PCDHGA8: variants seen among roughly 807,000 people sequenced by gnomAD.
PCDHGA8 encodes protocadherin gamma-A8.
In PCDHGA8, 45 loss-of-function variants were observed where a neutral mutation model predicts 59.2. That is an observed-to-expected ratio of 0.76 (90% CI 0.60 to 0.98). PCDHGA8 has a LOEUF of 0.98. PCDHGA8 is among the 50% of genes least tolerant of loss of function. The probability of loss-of-function intolerance (pLI) is 0.00; values close to 1 mark genes in which losing one functional copy is unlikely to be tolerated. For synonymous variants in PCDHGA8, 531 were observed against 519.0 expected (o/e 1.02, Z -0.32); for missense variants, 1,257 against 1,196.2 (o/e 1.05, Z -0.75).
intron 1 of PCDHGA8, chr5:141,478,628 T>G (rs1245431927): frequency 6.4e-7 from 1 of 1,553,704 alleles, no homozygotes; most frequent in African/African-American, 1.4e-5. Context: ...GAGCTGTTTT[T>G]TTAGTGATGA....
chr5:141,488,552 A>C (rs993681273), intron 1 of PCDHGA8, among the ~76,000 whole-genome samples: 1 of 152,194 alleles, frequency 6.6e-6, no homozygotes, highest in African/African-American at 2.4e-5. Context: ...GTCAGCTGAC[A>C]TTGAGATTTC....
Position 141,490,849 on chromosome 5 carries a change from C to A in PCDHGA8, c.2425-3958C>A, listed in dbSNP as rs200640560. The A allele has an allele frequency of 6.2e-7, 1 of 1,613,748 alleles. No individual in the cohort carries two copies. Among genetic ancestry groups the A allele is most frequent in the Non-Finnish European group, 8.5e-7 (1 of 1,179,862 alleles). On this transcript the variant is annotated intron_variant, in intron 1 of 3. Coordinates refer to ENST00000398604, the MANE Select transcript of PCDHGA8 (RefSeq NM_032088.2). This position sits in a 1 kb window ranked among gnomAD's most constrained non-coding sequence, Gnocchi z 5.4. ...GATGCTGCAGATTGTGGTGGGGGTT[C>A]GAGACTCCGGCTCTCCCCCATTGCA...
Position 141,435,556 on chromosome 5 carries a change from G to C in PCDHGA8, c.2424+40319G>C, listed in dbSNP as rs568743865. ...AGAATTAACAAAATGTGTTTTGAGT[G>C]CTTTTTTTAGTACTGGGGCAAATTT... is the stretch of plus-strand genomic sequence containing the variant. On this transcript the variant is annotated intron_variant, in intron 1 of 3. Transcript: ENST00000398604. Among the ~76,000 whole-genome samples, 7 of 152,242 alleles carry C rather than the reference G, an allele frequency of 4.6e-5. 1 individual carries two copies. Among genetic ancestry groups the C allele is most frequent in the African/African-American group, 1.4e-4 (6 of 41,544 alleles).
At chr5:141,421,371 T>C in intron 1 of PCDHGA8, 2 of 1,614,028 alleles carry the variant, frequency 1.2e-6, no homozygotes, top group Non-Finnish European at 1.7e-6. Flanking sequence ...TCGTGGGCAA[T>C]ATCTCCAAGG....
Position 141,477,540 on chromosome 5 carries a change from C to T in PCDHGA8, c.2425-17267C>T, listed in dbSNP as rs777796922. On this transcript the variant is annotated intron_variant, in intron 1 of 3. Coordinates refer to ENST00000398604, the MANE Select transcript of PCDHGA8 (RefSeq NM_032088.2). The surrounding 1 kb of genome is among the most constrained non-coding windows in gnomAD (Gnocchi z 4.9). Reference sequence around the variant, plus strand: ...GAAGAAAACAACCTCCCCGGGGCTCCAATACTAAACCTAAGTGTCTGGGAC... The same window carrying T: ...GAAGAAAACAACCTCCCCGGGGCTCTAATACTAAACCTAAGTGTCTGGGAC... The T allele has an allele frequency of 6.8e-6, 11 of 1,614,036 alleles. 1 individual carries two copies. Among genetic ancestry groups the T allele is most frequent in the African/African-American group, 2.7e-5 (2 of 74,920 alleles).
At chr5:141,402,947 G>A in intron 1 of PCDHGA8, 1 of 1,592,724 alleles carries the variant, frequency 6.3e-7, no homozygotes, top group South Asian at 1.1e-5. Flanking sequence ...CCAAAGCGAG[G>A]CAGCAATGGC....
Position 141,393,486 on chromosome 5 carries a change from A to G in PCDHGA8, c.673A>G (p.Thr225Ala). The G allele has an allele frequency of 6.2e-7, 1 of 1,614,082 alleles. No homozygotes were observed. Residue 225 changes from threonine (T) to alanine (A), a missense_variant, in exon 1 of 4, where the codon ACA becomes GCA. Transcript: ENST00000398604. ...SDGGKPPRSS[T>A]VRIHVTVLDT... is the part of the protein sequence containing the mutation. The stretch of plus-strand genomic sequence containing the variant: ...TGGCGGCAAGCCGCCTCGCTCTAGC[A>G]CAGTGCGCATCCACGTGACAGTGTT...
At position 141,393,774 on chromosome 5, in the gene PCDHGA8, G is replaced by A. The variant is rs767667499; in HGVS notation, c.961G>A (p.Ala321Thr). 9 of 1,613,824 alleles carry A rather than the reference G, an allele frequency of 5.6e-6. No homozygotes were observed. Among genetic ancestry groups the A allele is most frequent in the Non-Finnish European group, 7.6e-6 (9 of 1,179,898 alleles). ...TTCATTTTATGAAATGGAAATACAA[G>A]CCGAAGATGTGGGGGCACTTCTGGG... Reference protein sequence around the residue: ...ECSFYEMEIQAEDVGALLGRT... With the variant: ...ECSFYEMEIQTEDVGALLGRT... Residue 321 changes from alanine (A) to threonine (T), a missense_variant, in exon 1 of 4, where the codon GCC becomes ACC. Coordinates refer to ENST00000398604, the MANE Select transcript of PCDHGA8 (RefSeq NM_032088.2).
rs371319055 is a variant in PCDHGA8 at position 141,399,494 on chromosome 5, G to C, written c.2424+4257G>C. 328 of 1,614,032 alleles carry C rather than the reference G, an allele frequency of 2.0e-4. 1 individual carries two copies. The highest frequency in any genetic ancestry group is 1.7e-3 in the South Asian group (152 of 91,086). ...TTCCACCAGGCGTCCTACTTAGTCA[G>C]TGTACCCGAAAACAACCCTCCTGGG... is the stretch of plus-strand genomic sequence containing the variant. On this transcript the variant is annotated intron_variant, in intron 1 of 3. Coordinates refer to ENST00000398604, the MANE Select transcript of PCDHGA8 (RefSeq NM_032088.2).
intron 1 of PCDHGA8, among the ~76,000 whole-genome samples, chr5:141,482,857 A>T (rs2099573663): frequency 6.6e-6 from 1 of 152,140 alleles, no homozygotes; most frequent in Admixed American, 6.5e-5. Flanking sequence ...AGATCACTTG[A>T]GGTCAGGAGT....
In PCDHGA8 at chr5:141,476,132, T is replaced by C. The variant is rs751708569; in HGVS notation, c.2425-18675T>C. 2 of 1,607,820 alleles carry C rather than the reference T, an allele frequency of 1.2e-6. No homozygotes were observed. The highest frequency in any genetic ancestry group is 1.1e-5 in the South Asian group (1 of 90,582). On this transcript the variant is annotated intron_variant, in intron 1 of 3. Coordinates refer to ENST00000398604, the MANE Select transcript of PCDHGA8 (RefSeq NM_032088.2). The surrounding 1 kb of genome is among the most constrained non-coding windows in gnomAD (Gnocchi z 7.6). ...TTTGAGTGAGATGGTCCCAGAGGCC[T>C]GGAGGAGCGGACTGGTAAGCACCGG...
chr5:141,498,625 T>C (rs1327552423), intron 2 of PCDHGA8, among the ~76,000 whole-genome samples: 1 of 152,176 alleles, frequency 6.6e-6, no homozygotes, highest in Non-Finnish European at 1.5e-5. Context: ...TGGGTCACAC[T>C]GCCTAGACAG....
chr5:141,506,177 G>A (rs1024892091), intron 3 of PCDHGA8, among the ~76,000 whole-genome samples: 16 of 152,142 alleles, frequency 1.1e-4, no homozygotes, highest in Admixed American at 4.6e-4. Flanking sequence ...TAAGCTGGGC[G>A]TGGTGGCTCA....
Position 141,491,420 on chromosome 5 carries a change from G to A in PCDHGA8, c.2425-3387G>A, listed in dbSNP as rs2099713954. 1.2e-6 allele frequency: 2 copies of A among 1,614,004 alleles called. No homozygotes were observed. The highest frequency in any genetic ancestry group is 2.2e-5 in the South Asian group (2 of 91,090). On this transcript the variant is annotated intron_variant, in intron 1 of 3. Transcript: ENST00000398604. This position sits in a 1 kb window ranked among gnomAD's most constrained non-coding sequence, Gnocchi z 6.9. ...GGAAACGCAGACGGGGACGGGGGTG[G>A]AGGGCAGTGCTGCAGGCGCCAGGAC...
At chr5:141,500,252 A>G (rs2099798400) in intron 2 of PCDHGA8, among the ~76,000 whole-genome samples, 1 of 151,094 alleles carries the variant, frequency 6.6e-6, no homozygotes, top group East Asian at 1.9e-4. Flanking sequence ...TCTGTCACCC[A>G]GGCTGGACTG....
chr5:141,405,856 C>T (rs1340012897), intron 1 of PCDHGA8, among the ~76,000 whole-genome samples: 1 of 152,096 alleles, frequency 6.6e-6, no homozygotes, highest in Non-Finnish European at 1.5e-5. Flanking sequence ...GTGTGTTTCT[C>T]ATCACTTTTC....
intron 1 of PCDHGA8, chr5:141,414,287 C>G: frequency 6.2e-7 from 1 of 1,613,434 alleles, no homozygotes; most frequent in Non-Finnish European, 8.5e-7. Flanking sequence ...ACAGTCGTAG[C>G]CCTTTTAAAT....
chr5:141,499,551 A>T (rs1178321389), intron 2 of PCDHGA8, among the ~76,000 whole-genome samples: 1 of 152,200 alleles, frequency 6.6e-6, no homozygotes, highest in Non-Finnish European at 1.5e-5. Flanking sequence ...AACCTGTATG[A>T]TACCACTATC....
intron 1 of PCDHGA8, among the ~76,000 whole-genome samples, chr5:141,460,983 GTATATA>G (rs59296681): frequency 0.23 from 32,081 of 137,558 alleles, 4,351 homozygotes; most frequent in African/African-American, 0.39. Context: ...GTGTGTGTGT[GTATATA>G]TATATATGTG....
Sources: gnomAD v4.1 joint callset for allele counts (sites outside exome capture counted in the v4.1 genomes callset) on GRCh38, gnomAD v4.1.1 for gene constraint, Gnocchi (gnomAD v3.1) non-coding constraint, MANE v1.5 for transcripts, NCBI Gene and HGNC (gene_info 2026-07-23, HGNC 2026-07-21) for gene names.